Variants in TPTE observed in about 807,000 individuals in gnomAD.
TPTE encodes the protein transmembrane phosphatase with tensin homology.
TPTE carries 59 observed loss-of-function variants against 84.1 expected under a neutral mutation model. The observed-to-expected ratio is 0.70, with a 90% CI of 0.57 to 0.87. TPTE has a LOEUF of 0.87. Among genes scored for constraint, TPTE ranks in the 40% least tolerant of loss-of-function variants. The pLI, the probability that TPTE is intolerant of heterozygous loss-of-function variation, is 0.00. For missense variants in TPTE, 382 were observed against 659.6 expected (o/e 0.58, Z 4.61); for synonymous variants, 130 against 223.5 (o/e 0.58, Z 3.73).
At chr21:10,571,770 G>A (rs1436445286) in intron 14 of TPTE, among the ~76,000 whole-genome samples, 1 of 152,312 alleles carries the variant, frequency 6.6e-6, no homozygotes, top group Non-Finnish European at 1.5e-5. Context: ...CACTTTGAGA[G>A]GCCAAGGCAG....
intron 20 of TPTE, 54 bp downstream of exon 20, chr21:10,596,141 T>G: frequency 6.2e-7 from 1 of 1,610,970 alleles, no homozygotes; most frequent in Non-Finnish European, 8.5e-7. Flanking sequence ...ATGTCCCCAC[T>G]CTGGGAGGGT....
chr21:10,522,112 C>G (rs1378548549), intron 1 of TPTE, among the ~76,000 whole-genome samples: 2 of 152,096 alleles, frequency 1.3e-5, no homozygotes, highest in African/African-American at 4.8e-5. Context: ...GGCTCCCGCG[C>G]CGCCCCCGAG....
intron 10 of TPTE, among the ~76,000 whole-genome samples, chr21:10,563,192 CTT>C (rs1390691691): frequency 6.6e-6 from 1 of 152,302 alleles, no homozygotes; most frequent in African/African-American, 2.4e-5. Flanking sequence ...GAAATAAAGA[CTT>C]TTCCACACAA....
intron 7 of TPTE, among the ~76,000 whole-genome samples, chr21:10,549,139 C>A (rs1378510461): frequency 6.6e-6 from 1 of 152,310 alleles, no homozygotes; most frequent in African/African-American, 2.4e-5. Flanking sequence ...GAATAAACTA[C>A]ATGGAGACTA....
At chr21:10,583,994 G>T (rs1458168805) in intron 17 of TPTE, among the ~76,000 whole-genome samples, 1 of 152,306 alleles carries the variant, frequency 6.6e-6, no homozygotes, top group Non-Finnish European at 1.5e-5. Flanking sequence ...ATATAAATTT[G>T]GGAATCAACT....
intron 17 of TPTE, among the ~76,000 whole-genome samples, chr21:10,587,348 T>G (rs113610432): frequency 0.03 from 4,449 of 146,206 alleles, no homozygotes; most frequent in Middle Eastern, 0.074. Flanking sequence ...AATAGTTAGT[T>G]TTTCAACCTG....
intron 22 of TPTE, among the ~76,000 whole-genome samples, chr21:10,602,931 G>A (rs1200795040): frequency 1.3e-5 from 2 of 152,308 alleles, no homozygotes; most frequent in African/African-American, 2.4e-5. Flanking sequence ...AATGCAAGCA[G>A]CTATGAGTCT....
At chr21:10,561,850 C>T (rs115913424) in intron 10 of TPTE, among the ~76,000 whole-genome samples, 227 of 152,336 alleles carry the variant, frequency 1.5e-3, no homozygotes, top group African/African-American at 5.0e-3. Context: ...GCTGTTTTTA[C>T]GATGTGATGA....
At chr21:10,562,107 G>A (rs572359696) in intron 10 of TPTE, among the ~76,000 whole-genome samples, 1 of 152,310 alleles carries the variant, frequency 6.6e-6, no homozygotes, top group Non-Finnish European at 1.5e-5. Context: ...GTAATGCAGA[G>A]AATTATCCTG....
chr21:10,589,733 G>A (rs1454036181), intron 17 of TPTE, among the ~76,000 whole-genome samples: 1 of 152,312 alleles, frequency 6.6e-6, no homozygotes, highest in African/African-American at 2.4e-5. Context: ...ACATACTGAG[G>A]CTTCACTCAC....
At chr21:10,545,496 C>T (rs536174042) in intron 7 of TPTE, among the ~76,000 whole-genome samples, 20 of 152,418 alleles carry the variant, frequency 1.3e-4, no homozygotes, top group Admixed American at 3.9e-4. Flanking sequence ...CATTTTTAAT[C>T]GTTAGCACTG....
Position 10,605,671 on chromosome 21 carries a change from G to A in TPTE, c.*119G>A. 1 of 1,473,252 alleles carries A rather than the reference G, an allele frequency of 6.8e-7. No homozygotes were observed. Among genetic ancestry groups the A allele is most frequent in the Non-Finnish European group, 9.1e-7 (1 of 1,101,092 alleles). 91.3% of individuals were successfully genotyped at this position (1,473,252 alleles called of 1,614,324 possible). A position where few individuals can be genotyped will look rare whatever the true frequency, so the allele number is the denominator to read the frequency against. On this transcript the variant is annotated 3_prime_UTR_variant, in exon 24 of 24. Transcript: ENST00000618007. The stretch of plus-strand genomic sequence containing the variant: ...GAAGTATTTATTTATGTTTATATAT[G>A]TTTATATATGTTCTTCATAAATCTA...
At chr21:10,595,129 A>G (rs2075557249) in intron 19 of TPTE, among the ~76,000 whole-genome samples, 1 of 152,310 alleles carries the variant, frequency 6.6e-6, no homozygotes, top group African/African-American at 2.4e-5. Context: ...CACAACCTCG[A>G]CCTCTTGGGT....
At chr21:10,543,704 C>T (rs2074414169) in intron 7 of TPTE, among the ~76,000 whole-genome samples, 1 of 151,452 alleles carries the variant, frequency 6.6e-6, no homozygotes, top group Admixed American at 6.6e-5. Flanking sequence ...CGTAGGAGAG[C>T]TGCTTCTTCC....
intron 7 of TPTE, among the ~76,000 whole-genome samples, chr21:10,550,732 A>G (rs2145644225): frequency 6.6e-6 from 1 of 152,430 alleles, no homozygotes; most frequent in African/African-American, 2.4e-5. Flanking sequence ...CTTAAACTCC[A>G]CCATAGACCA....
intron 8 of TPTE, among the ~76,000 whole-genome samples, chr21:10,558,793 A>G: frequency 6.6e-6 from 1 of 152,166 alleles, no homozygotes; most frequent in East Asian, 1.9e-4. Flanking sequence ...CCAACACAGG[A>G]GGCTTCAGTA....
At chr21:10,539,249 A>G (rs796290023) in intron 4 of TPTE, among the ~76,000 whole-genome samples, 1 of 152,174 alleles carries the variant, frequency 6.6e-6, no homozygotes, top group African/African-American at 2.4e-5. Context: ...CCCTGGGCAG[A>G]AAAGAACAGA....
At chr21:10,555,562 G>A (rs8130191) in intron 8 of TPTE, among the ~76,000 whole-genome samples, 2,121 of 151,380 alleles carry the variant, frequency 0.014, no homozygotes, top group African/African-American at 0.049. Flanking sequence ...CTCATGTATA[G>A]CATGTAATGC....
chr21:10,574,741 C>A (rs530539788), intron 14 of TPTE, among the ~76,000 whole-genome samples: 1 of 152,428 alleles, frequency 6.6e-6, no homozygotes, highest in East Asian at 1.9e-4. Flanking sequence ...AGTGAGTGTG[C>A]AGTCCTGCCC....
Sources: allele counts gnomAD v4.1 joint callset (sites outside exome capture counted in the v4.1 genomes callset), GRCh38; gene constraint gnomAD v4.1.1; transcripts MANE v1.5; gene names NCBI Gene and HGNC (gene_info 2026-07-23, HGNC 2026-07-21).